Variants in INPP4A observed in about 807,000 individuals in gnomAD.
INPP4A encodes inositol polyphosphate-4-phosphatase type I A.
A neutral mutation model predicts 119.8 loss-of-function variants in INPP4A; 33 were observed. The ratio of observed to expected loss-of-function variants is 0.28; its 90% CI spans 0.21 to 0.37. The LOEUF (loss-of-function observed/expected upper bound fraction) is 0.37. INPP4A is among the 10% of genes least tolerant of loss of function. INPP4A has a pLI of 1.00. For missense variants in INPP4A, 956 were observed against 1,289.9 expected, an observed-to-expected ratio of 0.74 and a Z score of 3.97; for synonymous variants, 496 against 500.7, an observed-to-expected ratio of 0.99 and a Z score of 0.12.
rs768380314 is a variant in INPP4A at position 98,564,665 on chromosome 2, T to C, written c.2054T>C (p.Ile685Thr). The change falls in exon 19 of 25, where the codon ATC becomes ACC. Residue 685 changes from isoleucine (I) to threonine (T), a missense_variant. By Grantham distance (89) the Ile-to-Thr change is moderately conservative (BLOSUM62 -1). Coordinates refer to ENST00000409851, the MANE Select transcript of INPP4A (RefSeq NM_001134225.2). ...QTLTALICGF[I>T]IKLRNCLHDD... The stretch of plus-strand genomic sequence containing the variant: ...CTGACCGCCCTCATCTGCGGCTTCA[T>C]CATTAAGCTGAGGAACTGCCTGCAT... 1 of 1,613,360 alleles carries C rather than the reference T, an allele frequency of 6.2e-7. No homozygotes were observed. The highest frequency in any genetic ancestry group is 8.5e-7 in the Non-Finnish European group (1 of 1,179,746).
At chr2:98,510,364 T>C (rs1358829982) in intron 1 of INPP4A, among the ~76,000 whole-genome samples, 1 of 152,222 alleles carries the variant, frequency 6.6e-6, no homozygotes, top group Non-Finnish European at 1.5e-5. Flanking sequence ...GGGCTTGTTC[T>C]GCTCCTGGAG....
chr2:98,468,358 T>C (rs1675220337), intron 1 of INPP4A, among the ~76,000 whole-genome samples: 1 of 152,170 alleles, frequency 6.6e-6, no homozygotes, highest in Admixed American at 6.5e-5. Context: ...ACCTCAGGGT[T>C]CTGAGTAGTT....
In INPP4A at chr2:98,507,986, G is replaced by A. The variant is rs75579167; in HGVS notation, c.-165-10978G>A. 6.6e-4 allele frequency among the ~76,000 whole-genome samples: 101 copies of A among 152,316 alleles called. 2 individuals carry two copies. The East Asian group carries it at 0.01, about 15-fold the overall frequency. ...TGCATCCCCTGGGTTGAGGGGGTGG[G>A]TGGTGAGGGCATGGGGTGAATGCAA... is the stretch of plus-strand genomic sequence containing the variant. On this transcript the variant is annotated intron_variant, in intron 1 of 24. Coordinates refer to ENST00000409851, the MANE Select transcript of INPP4A (RefSeq NM_001134225.2).
chr2:98,541,509 A>G (rs1164266156), intron 10 of INPP4A, among the ~76,000 whole-genome samples: 4 of 152,220 alleles, frequency 2.6e-5, no homozygotes, highest in African/African-American at 7.2e-5. Flanking sequence ...GTGGCAATCT[A>G]CTTTTCCATG....
intron 1 of INPP4A, among the ~76,000 whole-genome samples, chr2:98,489,552 G>A (rs906624333): frequency 6.6e-6 from 1 of 152,116 alleles, no homozygotes; most frequent in African/African-American, 2.4e-5. Context: ...ACCGTCTGTC[G>A]ATAACATTGG....
At chr2:98,587,409 C>A in intron 24 of INPP4A, 67 bp from the exon 25 acceptor site, 1 of 1,413,176 alleles carries the variant, frequency 7.1e-7, no homozygotes, top group Non-Finnish European at 9.4e-7. Context: ...TTCATTTCAT[C>A]TTAGTTTAAG....
chr2:98,563,647 G>C lies in INPP4A; in HGVS notation c.2028+10G>C. On this transcript the variant is annotated intron_variant, in intron 18 of 24. Coordinates refer to ENST00000409851, the MANE Select transcript of INPP4A (RefSeq NM_001134225.2). ...GGTCTTCTGCCAGACGGTAGGCCCC[G>C]GGAGCACCCCGAGGGAGACCACGGG... is the stretch of plus-strand genomic sequence containing the variant. 1 of 1,611,744 alleles carries C rather than the reference G, an allele frequency of 6.2e-7. No homozygotes were observed. The highest frequency in any genetic ancestry group is 8.5e-7 in the Non-Finnish European group (1 of 1,179,714).
chr2:98,541,922 G>T (rs923196349), intron 10 of INPP4A, among the ~76,000 whole-genome samples: 1 of 152,190 alleles, frequency 6.6e-6, no homozygotes, highest in Non-Finnish European at 1.5e-5. Context: ...TAGTTCAAGG[G>T]TTTTGTTGTT....
chr2:98,593,443 CCA>C lies in INPP4A; in HGVS notation c.*5837_*5838del, dbSNP rs1700486681. On this transcript the variant is annotated 3_prime_UTR_variant, in exon 25 of 25. Coordinates refer to ENST00000409851, the MANE Select transcript of INPP4A (RefSeq NM_001134225.2). Reference sequence around the variant, plus strand: ...CAAATTTTATGTTGCCCACCACCTGCCACTAATGGCGTGGTGTTCTCCTGGGT... The same window carrying C: ...CAAATTTTATGTTGCCCACCACCTGCCTAATGGCGTGGTGTTCTCCTGGGT... The C allele has an allele frequency of 6.6e-6, 1 of 152,376 alleles. No individual in the cohort carries two copies. The highest frequency in any genetic ancestry group is 2.4e-5 in the African/African-American group (1 of 41,452). The allele number at this position is 152,376 out of a possible 1,614,324, so 9.4% of individuals were successfully genotyped here.
intron 4 of INPP4A, among the ~76,000 whole-genome samples, chr2:98,525,729 G>A (rs1374176965): frequency 1.3e-5 from 2 of 152,136 alleles, no homozygotes; most frequent in African/African-American, 2.4e-5. Flanking sequence ...TTATACAAAT[G>A]AACAATAAGC....
At chr2:98,494,882 A>G (rs749186377) in intron 1 of INPP4A, among the ~76,000 whole-genome samples, 1 of 152,260 alleles carries the variant, frequency 6.6e-6, no homozygotes, top group South Asian at 2.1e-4. Context: ...ACAGCTGGGT[A>G]TGAAAACACC....
intron 4 of INPP4A, among the ~76,000 whole-genome samples, chr2:98,530,478 A>G (rs562060922): frequency 6.6e-6 from 1 of 152,312 alleles, no homozygotes; most frequent in East Asian, 1.9e-4. Context: ...CTAGAATCCA[A>G]AAGGCTAAAT....
intron 1 of INPP4A, among the ~76,000 whole-genome samples, chr2:98,461,048 C>T (rs1199693000): frequency 1.3e-5 from 2 of 152,164 alleles, no homozygotes; most frequent in South Asian, 2.1e-4. Flanking sequence ...TCCATAGCCA[C>T]GCCCTTCCCG....
chr2:98,589,804 A>G lies in INPP4A; in HGVS notation c.*2196A>G. The G allele has an allele frequency of 5.3e-6, 1 of 187,088 alleles. No homozygotes were observed. Among genetic ancestry groups the G allele is most frequent in the Non-Finnish European group, 1.1e-5 (1 of 88,552 alleles). The allele number at this position is 187,088 out of a possible 1,614,324, so 11.6% of individuals were successfully genotyped here. The stretch of plus-strand genomic sequence containing the variant: ...GCAGTTTTACAGGTTACCGTAAAAC[A>G]GAGGTTCCGTCCAGTGTTCCTTATG... On this transcript the variant is annotated 3_prime_UTR_variant, in exon 25 of 25. Transcript: ENST00000409851.
chr2:98,519,831 C>G, intron 2 of INPP4A, 115 bp from the exon 3 acceptor site: 1 of 545,372 alleles, frequency 1.8e-6, no homozygotes, highest in Non-Finnish European at 3.4e-6. Flanking sequence ...TCCTCACATG[C>G]TGGGGAACCC....
At chr2:98,584,380 T>TA (rs1699714451) in intron 24 of INPP4A, among the ~76,000 whole-genome samples, 1 of 152,216 alleles carries the variant, frequency 6.6e-6, no homozygotes, top group African/African-American at 2.4e-5. Context: ...GCAGGGCTAG[T>TA]GGCTAGGCAG....
chr2:98,508,140 G>A (rs1684440863), intron 1 of INPP4A, among the ~76,000 whole-genome samples: 1 of 152,198 alleles, frequency 6.6e-6, no homozygotes, highest in Non-Finnish European at 1.5e-5. Flanking sequence ...GAGAGAAGCA[G>A]AGCTCGGGTT....
At chr2:98,501,497 G>A (rs1683111046) in intron 1 of INPP4A, among the ~76,000 whole-genome samples, 1 of 152,206 alleles carries the variant, frequency 6.6e-6, no homozygotes. Flanking sequence ...TTCCAGCCTT[G>A]CTGGTTGTAC....
chr2:98,542,409 CATG>C (rs1159672186), intron 10 of INPP4A, among the ~76,000 whole-genome samples: 1 of 151,968 alleles, frequency 6.6e-6, no homozygotes, highest in Non-Finnish European at 1.5e-5. Flanking sequence ...CAAAGGAAAA[CATG>C]AGTGCAGTAT....
Sources: allele counts gnomAD v4.1 joint callset (sites outside exome capture counted in the v4.1 genomes callset), GRCh38; gene constraint gnomAD v4.1.1; transcripts MANE v1.5; gene names NCBI Gene and HGNC (gene_info 2026-07-23, HGNC 2026-07-21).